The following MCTP2 variants were observed in gnomAD, a reference collection of about 807,000 sequenced individuals.
MCTP2 encodes the protein multiple C2 and transmembrane domain-containing protein 2.
A neutral mutation model predicts 111.6 loss-of-function variants in MCTP2; 132 were observed. The ratio of observed to expected loss-of-function variants is 1.18; its 90% CI spans 1.03 to 1.37. The LOEUF is 1.37. Among genes scored for constraint, MCTP2 ranks in the 40% most tolerant of loss-of-function variants. The pLI is 0.00. For synonymous variants in MCTP2, 395 were observed against 387.7 expected (o/e 1.02, Z -0.22); for missense variants, 1,183 against 1,067.9 (o/e 1.11, Z -1.50).
intron 12 of MCTP2, among the ~76,000 whole-genome samples, chr15:94,380,632 G>A (rs959509251): frequency 6.6e-6 from 1 of 152,064 alleles, no homozygotes; most frequent in Admixed American, 6.6e-5. Flanking sequence ...GCTGGGCGTG[G>A]TGGCACGTGC....
intron 21 of MCTP2, among the ~76,000 whole-genome samples, chr15:94,471,403 A>G (rs1485044363): frequency 6.6e-6 from 1 of 152,224 alleles, no homozygotes; most frequent in Non-Finnish European, 1.5e-5. Context: ...GAAAGCTACA[A>G]CCTTTCTAAA....
chr15:94,369,777 A>G (rs180764142), intron 11 of MCTP2, among the ~76,000 whole-genome samples: 45 of 152,306 alleles, frequency 3.0e-4, no homozygotes, highest in Admixed American at 2.4e-3. Flanking sequence ...CATCAATGTA[A>G]TTCTACCCAC....
chr15:94,413,419 TA>T (rs2082240448), intron 17 of MCTP2, among the ~76,000 whole-genome samples: 1 of 152,104 alleles, frequency 6.6e-6, no homozygotes. Flanking sequence ...ATTAGGAAAA[TA>T]ACCATTTTAA....
chr15:94,298,751 T>G, intron 2 of MCTP2, 21 bp downstream of exon 2: 1 of 1,493,476 alleles, frequency 6.7e-7, no homozygotes, highest in African/African-American at 1.4e-5. Flanking sequence ...GGCTGGGCTC[T>G]CTTTTTTTTT....
chr15:94,483,911 G>A lies in MCTP2; in HGVS notation c.*4877G>A, dbSNP rs1008088260. ...TATGTATTAGGAATCTTGTGACAAC[G>A]GAACAGTTGAAAAATTAAAATAAAA... On this transcript the variant is annotated 3_prime_UTR_variant, in exon 23 of 23. Transcript: ENST00000357742. 5 of 152,100 alleles carry A rather than the reference G, an allele frequency of 3.3e-5. No individual in the cohort carries two copies. The highest frequency in any genetic ancestry group is 1.2e-4 in the African/African-American group (5 of 41,388). The allele number at this position is 152,100 out of a possible 1,614,324, so 9.4% of individuals were successfully genotyped here.
intron 4 of MCTP2, among the ~76,000 whole-genome samples, chr15:94,320,545 T>C (rs2076587185): frequency 6.6e-6 from 1 of 152,218 alleles, no homozygotes; most frequent in African/African-American, 2.4e-5. Flanking sequence ...CCAACTTCAG[T>C]GCTGGACTTA....
intron 17 of MCTP2, among the ~76,000 whole-genome samples, chr15:94,438,127 A>G (rs1204988894): frequency 6.6e-6 from 1 of 152,120 alleles, no homozygotes; most frequent in Non-Finnish European, 1.5e-5. Context: ...GATTACGTAA[A>G]ACCACTATTT....
rs141622555 is a variant in MCTP2, at chr15:94,424,896, A to AT, written c.2086-15271dup. Among the ~76,000 whole-genome samples the AT allele has an allele frequency of 4.1e-3, 609 of 150,076 alleles. 4 individuals carry two copies. Among genetic ancestry groups the AT allele is most frequent in the African/African-American group, 0.012 (484 of 40,958 alleles). ...TTGCCTAATTTTCTTCTCCCCCTAC[A>AT]TTTTTTTTTGTATAAGCATTTAATC... On this transcript the variant is annotated intron_variant, in intron 17 of 22. Coordinates refer to ENST00000357742, the MANE Select transcript of MCTP2 (RefSeq NM_001385001.1).
chr15:94,436,969 T>A (rs1269209150), intron 17 of MCTP2, among the ~76,000 whole-genome samples: 1 of 151,862 alleles, frequency 6.6e-6, no homozygotes, highest in African/African-American at 2.4e-5. Context: ...CTTTTTGCTA[T>A]GTTTTATTTT....
chr15:94,318,565 G>A (rs533083664), intron 4 of MCTP2, among the ~76,000 whole-genome samples: 229 of 152,224 alleles, frequency 1.5e-3, no homozygotes, highest in Non-Finnish European at 2.6e-3. Context: ...GAGCCACCAC[G>A]CCCGGCCAAT....
At chr15:94,262,318 T>G (rs1408279845) in intron 1 of MCTP2, among the ~76,000 whole-genome samples, 4 of 152,224 alleles carry the variant, frequency 2.6e-5, no homozygotes, top group Non-Finnish European at 5.9e-5. Flanking sequence ...TAATTTCTGA[T>G]GTGTGTGTTT....
intron 20 of MCTP2, among the ~76,000 whole-genome samples, chr15:94,462,195 C>T (rs1456400176): frequency 2.0e-5 from 3 of 152,156 alleles, no homozygotes; most frequent in Admixed American, 1.3e-4. Context: ...TATACCTGCA[C>T]CCACCTTCTG....
At chr15:94,440,438 T>C (rs944185815) in intron 18 of MCTP2, 140 bp downstream of exon 18, 8 of 975,198 alleles carry the variant, frequency 8.2e-6, no homozygotes, top group Non-Finnish European at 1.2e-5. Context: ...CATTTTGCAG[T>C]GGAGGTCTTC....
intron 19 of MCTP2, among the ~76,000 whole-genome samples, chr15:94,443,566 G>A (rs949219291): frequency 9.2e-5 from 14 of 152,196 alleles, no homozygotes; most frequent in Non-Finnish European, 1.5e-4. Flanking sequence ...TATCTGGGGC[G>A]AGGGATGGTA....
intron 1 of MCTP2, among the ~76,000 whole-genome samples, chr15:94,239,005 C>T (rs553878388): frequency 7.9e-5 from 11 of 139,646 alleles, no homozygotes; most frequent in Middle Eastern, 3.8e-3. Context: ...TGGAGTTGAC[C>T]GTGAAAAAAA....
At chr15:94,358,803 A>G (rs1426898677) in intron 10 of MCTP2, among the ~76,000 whole-genome samples, 191 bp downstream of exon 10, 2 of 152,194 alleles carry the variant, frequency 1.3e-5, no homozygotes, top group African/African-American at 4.8e-5. Flanking sequence ...TAATTGGGAA[A>G]TGTCATTCAG....
chr15:94,266,346 A>G lies in MCTP2; in HGVS notation c.-65-31855A>G, dbSNP rs77293859. Among the ~76,000 whole-genome samples, 1,213 of 152,232 alleles carry G rather than the reference A, an allele frequency of 8.0e-3. 17 individuals are homozygous for G. Among genetic ancestry groups the G allele is most frequent in the African/African-American group, 0.024 (985 of 41,540 alleles). ...TTGACTCGTTTGTATTTTTATTATT[A>G]TAATTATTTGTCTGTCTCCTCCTCC... On this transcript the variant is annotated intron_variant, in intron 1 of 22. Coordinates refer to ENST00000357742, the MANE Select transcript of MCTP2 (RefSeq NM_001385001.1).
rs549232751 is a variant in MCTP2 at position 94,303,906 on chromosome 15, T to C, written c.465+5176T>C. On this transcript the variant is annotated intron_variant, in intron 2 of 22. Transcript: ENST00000357742. Reference sequence around the variant, plus strand: ...TGAGCACTAACCTCAGTCTGTTCTCTGGAGAAATCTGTAGAGAGAAGAAGG... The same window carrying C: ...TGAGCACTAACCTCAGTCTGTTCTCCGGAGAAATCTGTAGAGAGAAGAAGG... Among the ~76,000 whole-genome samples the C allele has an allele frequency of 1.6e-4, 25 of 152,290 alleles. 1 individual carries two copies. In the South Asian group the frequency reaches 5.0e-3, roughly 30 times the overall value.
chr15:94,291,434 C>T (rs1212434771), intron 1 of MCTP2, among the ~76,000 whole-genome samples: 2 of 152,084 alleles, frequency 1.3e-5, no homozygotes, highest in African/African-American at 2.4e-5. Flanking sequence ...GAAACCCTGT[C>T]TCTGCTAAAA....
Sources: gnomAD v4.1 joint callset for allele counts (sites outside exome capture counted in the v4.1 genomes callset) on GRCh38, gnomAD v4.1.1 for gene constraint, MANE v1.5 for transcripts, NCBI Gene and HGNC (gene_info 2026-07-23, HGNC 2026-07-21) for gene names.